Variants in DNM3 observed in about 807,000 individuals in gnomAD.
The protein encoded by DNM3 is dynamin 3.
DNM3 carries 47 observed loss-of-function variants against 101.6 expected under a neutral mutation model. The observed-to-expected ratio is 0.46, with a 90% CI of 0.37 to 0.59. DNM3 has a LOEUF of 0.59. Ranked by LOEUF, DNM3 falls within the 20% of genes least tolerant of loss-of-function variation. The probability of loss-of-function intolerance (pLI) is 0.00; values close to 1 mark genes in which losing one functional copy is unlikely to be tolerated. For synonymous variants in DNM3, 385 were observed against 387.9 expected, an observed-to-expected ratio of 0.99 and a Z score of 0.09; for missense variants, 849 against 1,085.7, an observed-to-expected ratio of 0.78 and a Z score of 3.06.
At chr1:172,402,208 G>A (rs1573760342) in intron 20 of DNM3, among the ~76,000 whole-genome samples, 1 of 142,654 alleles carries the variant, frequency 7.0e-6, no homozygotes, top group East Asian at 2.2e-4. Context: ...TGATTCAAGA[G>A]GGTCATTGAG....
At chr1:172,136,651 T>G (rs1221075656) in intron 14 of DNM3, 1 of 152,126 alleles carries the variant, frequency 6.6e-6, no homozygotes, top group Non-Finnish European at 1.5e-5. Context: ...TATTTCCATG[T>G]TCTGGTATTA....
intron 4 of DNM3, among the ~76,000 whole-genome samples, chr1:172,026,267 G>A (rs1239294821): frequency 6.6e-6 from 1 of 152,054 alleles, no homozygotes; most frequent in Non-Finnish European, 1.5e-5. Context: ...AAAAAAGAAT[G>A]CAAAGGAATG....
chr1:171,871,574 G>A (rs146586438), intron 1 of DNM3, among the ~76,000 whole-genome samples: 3 of 152,250 alleles, frequency 2.0e-5, no homozygotes, highest in East Asian at 3.9e-4. Context: ...TATGAACACC[G>A]TGAAACATCC....
At chr1:171,946,785 C>T (rs2042199265) in intron 2 of DNM3, among the ~76,000 whole-genome samples, 1 of 152,098 alleles carries the variant, frequency 6.6e-6, no homozygotes, top group Non-Finnish European at 1.5e-5. Context: ...GGGGAGCCAG[C>T]ATGTGCAGAA....
intron 14 of DNM3, among the ~76,000 whole-genome samples, chr1:172,241,813 G>A (rs1433402731): frequency 1.3e-5 from 2 of 152,114 alleles, no homozygotes; most frequent in African/African-American, 4.8e-5. Flanking sequence ...CTCATTTTTT[G>A]AAACAAAGTC....
intron 17 of DNM3, among the ~76,000 whole-genome samples, chr1:172,359,037 T>A (rs191355957): frequency 6.6e-6 from 1 of 151,914 alleles, no homozygotes; most frequent in African/African-American, 2.4e-5. Context: ...AGATTTCACC[T>A]GGTTGCCCCT....
chr1:171,921,973 T>A (rs1326989560), intron 2 of DNM3, among the ~76,000 whole-genome samples, 152 bp downstream of exon 2: 2 of 152,206 alleles, frequency 1.3e-5, no homozygotes, highest in Admixed American at 6.5e-5. Context: ...GCCTTCTTCA[T>A]TGCTCTTTTC....
intron 1 of DNM3, among the ~76,000 whole-genome samples, chr1:171,854,841 A>G (rs2033418573): frequency 6.6e-6 from 1 of 151,834 alleles, no homozygotes; most frequent in Non-Finnish European, 1.5e-5. Context: ...TGCTGGGATT[A>G]CAGGTGTGAG....
intron 4 of DNM3, among the ~76,000 whole-genome samples, chr1:172,005,665 CCAATTA>C (rs2046642003): frequency 6.6e-6 from 1 of 151,944 alleles, no homozygotes; most frequent in Non-Finnish European, 1.5e-5. Flanking sequence ...TTTTAAAAAG[CCAATTA>C]CAATTACAAT....
At chr1:172,352,851 T>C (rs889170199) in intron 17 of DNM3, among the ~76,000 whole-genome samples, 1 of 152,162 alleles carries the variant, frequency 6.6e-6, no homozygotes, top group African/African-American at 2.4e-5. Context: ...ATCCAGATCC[T>C]TTGGAGGACT....
At chr1:172,392,089 G>A (rs1401442794) in intron 20 of DNM3, among the ~76,000 whole-genome samples, 1 of 152,204 alleles carries the variant, frequency 6.6e-6, no homozygotes, top group East Asian at 1.9e-4. Flanking sequence ...TATAAAAGGA[G>A]AGGAAGGAGA....
chr1:172,409,293 T>C lies in DNM3; in HGVS notation c.*1452T>C, dbSNP rs751386517. 123 of 985,242 alleles carry C rather than the reference T, an allele frequency of 1.2e-4. No individual in the cohort carries two copies. Among genetic ancestry groups the C allele is most frequent in the Non-Finnish European group, 1.4e-4 (120 of 829,864 alleles). 61.0% of individuals were successfully genotyped at this position (985,242 alleles called of 1,614,324 possible). ...CAACTGAAATGTCTCCCTTTGAAAG[T>C]AGCAAACATGATTTGTATGTTAACT... is the stretch of plus-strand genomic sequence containing the variant. On this transcript the variant is annotated 3_prime_UTR_variant, in exon 21 of 21. Transcript: ENST00000627582.
intron 13 of DNM3, among the ~76,000 whole-genome samples, chr1:172,119,915 C>A (rs1480451296): frequency 2.0e-5 from 3 of 152,150 alleles, no homozygotes; most frequent in Non-Finnish European, 4.4e-5. Flanking sequence ...CCTAAATATT[C>A]TTCAAATCTG....
At chr1:172,062,750 C>A (rs908861346) in intron 10 of DNM3, among the ~76,000 whole-genome samples, 3 of 152,192 alleles carry the variant, frequency 2.0e-5, no homozygotes, top group African/African-American at 7.2e-5. Context: ...AACCCCTGTA[C>A]AACTTAGAAA....
At chr1:172,037,211 C>A (rs1389933004) in intron 6 of DNM3, among the ~76,000 whole-genome samples, 1 of 152,170 alleles carries the variant, frequency 6.6e-6, no homozygotes, top group Admixed American at 6.5e-5. Context: ...ACTAGTTCAA[C>A]CCTTGTGGAA....
intron 17 of DNM3, among the ~76,000 whole-genome samples, chr1:172,371,167 G>C (rs2068303247): frequency 6.6e-6 from 1 of 151,940 alleles, no homozygotes; most frequent in South Asian, 2.1e-4. Flanking sequence ...TGCTATTTTG[G>C]AATAGTTTTG....
intron 10 of DNM3, among the ~76,000 whole-genome samples, chr1:172,068,090 G>A (rs962062118): frequency 3.1e-4 from 47 of 152,346 alleles, no homozygotes; most frequent in Middle Eastern, 3.4e-3. Flanking sequence ...CACTTTGGGA[G>A]ACCAAGGCAG....
intron 2 of DNM3, among the ~76,000 whole-genome samples, chr1:171,947,377 A>G (rs2042235711): frequency 6.6e-6 from 1 of 152,156 alleles, no homozygotes; most frequent in South Asian, 2.1e-4. Flanking sequence ...TACAGCATGT[A>G]TGTATGTTGG....
chr1:172,372,752 C>T (rs897669916), intron 17 of DNM3, among the ~76,000 whole-genome samples: 5 of 125,422 alleles, frequency 4.0e-5, no homozygotes, highest in East Asian at 2.5e-4. Context: ...GGTGTGATCT[C>T]GGCTCACTCC....
Sources: allele counts gnomAD v4.1 joint callset (sites outside exome capture counted in the v4.1 genomes callset), GRCh38; gene constraint gnomAD v4.1.1; transcripts MANE v1.5; gene names NCBI Gene and HGNC (gene_info 2026-07-23, HGNC 2026-07-21).